MED12L: variants seen among roughly 807,000 people sequenced by gnomAD.
MED12L encodes mediator of RNA polymerase II transcription subunit 12-like protein.
In MED12L, 60 loss-of-function variants were observed where a neutral mutation model predicts 281.3. That is an observed-to-expected ratio of 0.21 (90% CI 0.17 to 0.26). MED12L has a LOEUF of 0.26. Ranked by LOEUF, MED12L falls within the 10% of genes least tolerant of loss-of-function variation. MED12L has a pLI of 1.00. For synonymous variants in MED12L, 974 were observed against 987.2 expected (o/e 0.99, Z 0.25); for missense variants, 2,146 against 2,680.9 (o/e 0.80, Z 4.41).
chr3:151,215,094 G>T (rs976949472), intron 16 of MED12L, among the ~76,000 whole-genome samples: 7 of 151,522 alleles, frequency 4.6e-5, no homozygotes, highest in Non-Finnish European at 8.8e-5. Context: ...GGGATTATGG[G>T]TACCTTTTCA....
At chr3:151,096,208 T>C (rs1720688416) in intron 2 of MED12L, among the ~76,000 whole-genome samples, 1 of 152,234 alleles carries the variant, frequency 6.6e-6, no homozygotes, top group African/African-American at 2.4e-5. Flanking sequence ...AAACTGACCT[T>C]GGGACCACTT....
At chr3:151,421,947 A>C (rs528163999) in intron 43 of MED12L, among the ~76,000 whole-genome samples, 5 of 152,114 alleles carry the variant, frequency 3.3e-5, no homozygotes, top group Non-Finnish European at 7.4e-5. Context: ...GTTCTGATTC[A>C]TGCTGTATCA....
At chr3:151,423,323 C>T (rs1324726557) in intron 43 of MED12L, among the ~76,000 whole-genome samples, 43 of 151,944 alleles carry the variant, frequency 2.8e-4, no homozygotes, top group Non-Finnish European at 1.5e-5. Flanking sequence ...TTGGTTTTGG[C>T]TGTAAAAAAT....
At chr3:151,407,687 G>T (rs1560133665) in intron 39 of MED12L, among the ~76,000 whole-genome samples, 2 of 152,112 alleles carry the variant, frequency 1.3e-5, no homozygotes, top group African/African-American at 4.8e-5. Context: ...AGATACAATT[G>T]TTTTTTTAAC....
At chr3:151,182,686 C>G (rs1722845606) in intron 11 of MED12L, among the ~76,000 whole-genome samples, 1 of 152,144 alleles carries the variant, frequency 6.6e-6, no homozygotes, top group Admixed American at 6.5e-5. Context: ...GAGAGAAGGA[C>G]TCTCAGCTTT....
chr3:151,143,081 G>C (rs1207945223), intron 5 of MED12L, among the ~76,000 whole-genome samples: 1 of 152,160 alleles, frequency 6.6e-6, no homozygotes, highest in Non-Finnish European at 1.5e-5. Flanking sequence ...TCATTCTTTA[G>C]TCTCCAGAAA....
Position 151,176,299 on chromosome 3 carries a change from C to A in MED12L, c.1495-9031C>A, listed in dbSNP as rs1722037003. ...GCATACTGTATAACAAACATATATA[C>A]CAGCAGTAATCACTGTTAATTTTGG... is the stretch of plus-strand genomic sequence containing the variant. On this transcript the variant is annotated intron_variant, in intron 11 of 44. Transcript: ENST00000687756. 2.6e-5 allele frequency among the ~76,000 whole-genome samples: 4 copies of A among 152,248 alleles called. No individual in the cohort carries two copies. In the South Asian group the frequency reaches 8.3e-4, roughly 32 times the overall value.
At position 151,435,791 on chromosome 3, in the gene MED12L, G is replaced by GGATT. The variant is rs1291499772; in HGVS notation, c.*2991_*2994dup. ...GAATTACAAAAACACATTTTGTGTA[G>GGATT]GATTGATCAGATTTTAAATACAGTG... On this transcript the variant is annotated 3_prime_UTR_variant, in exon 45 of 45. Coordinates refer to ENST00000687756, the MANE Select transcript of MED12L (RefSeq NM_001393769.1). 1.3e-5 allele frequency: 2 copies of GGATT among 151,906 alleles called. No individual in the cohort carries two copies. The highest frequency in any genetic ancestry group is 2.9e-5 in the Non-Finnish European group (2 of 68,004). The allele number at this position is 151,906 out of a possible 1,614,324, so 9.4% of individuals were successfully genotyped here. A position where few individuals can be genotyped will look rare whatever the true frequency, so the allele number is the denominator to read the frequency against.
chr3:151,258,978 AT>A (rs1177521507), intron 16 of MED12L, among the ~76,000 whole-genome samples: 1 of 152,166 alleles, frequency 6.6e-6, no homozygotes, highest in Non-Finnish European at 1.5e-5. Flanking sequence ...CACCTGTGAA[AT>A]GGTGCTGATA....
intron 16 of MED12L, among the ~76,000 whole-genome samples, chr3:151,253,967 G>C (rs1384688203): frequency 6.8e-6 from 1 of 146,758 alleles, no homozygotes; most frequent in Non-Finnish European, 1.5e-5. Flanking sequence ...GGATACATTT[G>C]ATATACCTTC....
chr3:151,111,493 G>T (rs1711885151), intron 2 of MED12L, among the ~76,000 whole-genome samples: 1 of 152,188 alleles, frequency 6.6e-6, no homozygotes, highest in South Asian at 2.1e-4. Context: ...GGAGTAGGGG[G>T]TTTAAATTCG....
intron 2 of MED12L, among the ~76,000 whole-genome samples, chr3:151,095,159 A>C (rs1720547219): frequency 6.6e-6 from 1 of 152,226 alleles, no homozygotes; most frequent in African/African-American, 2.4e-5. Context: ...AATCAAATGT[A>C]AGGTATAAAT....
intron 43 of MED12L, among the ~76,000 whole-genome samples, chr3:151,426,090 T>C (rs563776920): frequency 6.6e-6 from 1 of 152,324 alleles, no homozygotes; most frequent in East Asian, 1.9e-4. Context: ...TAGTAAACCT[T>C]ACTGAACCTA....
At chr3:151,350,752 G>T (rs1040660529) in intron 17 of MED12L, among the ~76,000 whole-genome samples, 8 of 152,144 alleles carry the variant, frequency 5.3e-5, no homozygotes, top group Non-Finnish European at 1.0e-4. Flanking sequence ...TCAAATAAAA[G>T]AATTTGATCT....
intron 16 of MED12L, chr3:151,337,619 TTTAGA>T (rs1396789837): frequency 8.5e-6 from 5 of 591,026 alleles, no homozygotes; most frequent in Non-Finnish European, 1.5e-5. Context: ...ACAGCTACAG[TTTAGA>T]TTAGTTTTCT....
At chr3:151,226,005 T>C (rs906950440) in intron 16 of MED12L, among the ~76,000 whole-genome samples, 3 of 152,178 alleles carry the variant, frequency 2.0e-5, no homozygotes, top group African/African-American at 7.2e-5. Flanking sequence ...ATTTGCTCAC[T>C]ATAAAGCCGT....
At chr3:151,430,649 TG>T (rs1426318905) in intron 44 of MED12L, among the ~76,000 whole-genome samples, 1 of 142,852 alleles carries the variant, frequency 7.0e-6, no homozygotes, top group Non-Finnish European at 1.5e-5. Context: ...TTCTTCTCAT[TG>T]GGGGGACTCC....
chr3:151,318,013 T>C (rs1405390535), intron 16 of MED12L, among the ~76,000 whole-genome samples: 1 of 152,184 alleles, frequency 6.6e-6, no homozygotes, highest in Non-Finnish European at 1.5e-5. Context: ...ATTTTCCTTA[T>C]GTTTTTACAG....
At chr3:151,219,934 C>A in intron 16 of MED12L, among the ~76,000 whole-genome samples, 1 of 121,674 alleles carries the variant, frequency 8.2e-6, no homozygotes, top group Non-Finnish European at 1.6e-5. Flanking sequence ...ATCAATTTAT[C>A]AAATGACTGA....
Sources: allele counts gnomAD v4.1 joint callset (sites outside exome capture counted in the v4.1 genomes callset), GRCh38; gene constraint gnomAD v4.1.1; transcripts MANE v1.5; gene names NCBI Gene and HGNC (gene_info 2026-07-23, HGNC 2026-07-21).